The following SLC2A14 variants were observed in gnomAD, a reference collection of about 807,000 sequenced individuals.
SLC2A14 encodes the protein solute carrier family 2 member 14, also known as solute carrier family 2, facilitated glucose transporter member 14.
A neutral mutation model predicts 43.0 loss-of-function variants in SLC2A14; 13 were observed. The ratio of observed to expected loss-of-function variants is 0.30; its 90% CI spans 0.20 to 0.48. SLC2A14 has a LOEUF of 0.48. Ranked by LOEUF, SLC2A14 falls within the 20% of genes least tolerant of loss-of-function variation. SLC2A14 has a pLI of 0.99. For synonymous variants in SLC2A14, 190 were observed against 233.8 expected, an observed-to-expected ratio of 0.81 and a Z score of 1.71; for missense variants, 428 against 620.4, an observed-to-expected ratio of 0.69 and a Z score of 3.29.
At chr12:7,879,595 A>G (rs1945530609) in intron 1 of SLC2A14, among the ~76,000 whole-genome samples, 1 of 152,098 alleles carries the variant, frequency 6.6e-6, no homozygotes, top group Non-Finnish European at 1.5e-5. Flanking sequence ...AAGGCAGGAG[A>G]ATCGCTTGAA....
intron 2 of SLC2A14, among the ~76,000 whole-genome samples, chr12:7,852,699 A>G (rs1178629882): frequency 2.6e-5 from 4 of 152,082 alleles, no homozygotes; most frequent in African/African-American, 9.7e-5. Flanking sequence ...ATATCTCCAG[A>G]TATTGCCAAA....
At chr12:7,888,797 CAAAA>C (rs138233883) in intron 1 of SLC2A14, among the ~76,000 whole-genome samples, 5 of 104,356 alleles carry the variant, frequency 4.8e-5, no homozygotes, top group East Asian at 2.7e-4. Context: ...GACTCCGTCT[CAAAA>C]AAAAAAAAAA....
intron 2 of SLC2A14, among the ~76,000 whole-genome samples, chr12:7,849,455 G>A (rs7959746): frequency 0.36 from 54,136 of 151,816 alleles, 10,175 homozygotes; most frequent in Middle Eastern, 0.47. Flanking sequence ...AGTGAGCCAT[G>A]ATCATGCCAC....
intron 2 of SLC2A14, among the ~76,000 whole-genome samples, chr12:7,842,211 G>A (rs1453206561): frequency 2.0e-5 from 3 of 151,986 alleles, no homozygotes; most frequent in Admixed American, 6.6e-5. Flanking sequence ...ATGTCTTTTC[G>A]TGGCTCATTT....
intron 2 of SLC2A14, among the ~76,000 whole-genome samples, chr12:7,848,758 G>T (rs1866679733): frequency 6.6e-6 from 1 of 151,928 alleles, no homozygotes; most frequent in Non-Finnish European, 1.5e-5. Flanking sequence ...GTTTCACCAT[G>T]TTGGCCAGGA....
chr12:7,862,891 T>G (rs946794758), intron 2 of SLC2A14, among the ~76,000 whole-genome samples: 2 of 152,052 alleles, frequency 1.3e-5, no homozygotes, highest in Admixed American at 1.3e-4. Flanking sequence ...AACATTTGTA[T>G]CTGGCTCAGG....
At chr12:7,825,255 G>GA (rs879631149) in intron 7 of SLC2A14, among the ~76,000 whole-genome samples, 2,263 of 142,264 alleles carry the variant, frequency 0.016, 70 homozygotes, top group Middle Eastern at 0.038. Flanking sequence ...GAAGCCAGGA[G>GA]TTCAAGACCA....
chr12:7,821,254 C>T lies in SLC2A14; in HGVS notation c.936G>A (p.Ala312=), dbSNP rs745710037. 3.8e-5 allele frequency: 61 copies of T among 1,613,870 alleles called. No homozygotes were observed. The highest frequency in any genetic ancestry group is 4.7e-5 in the Non-Finnish European group (56 of 1,179,944). The change falls in exon 8 of 11, where the codon GCG becomes GCA. Residue 312 remains alanine, a synonymous_variant. Transcript: ENST00000431042. Reference sequence around the variant, plus strand: ...AAGTGAAGATAGTATTAACCACACCCGCGCTGATGGTGGCATAGATGGGCT... The same window carrying T: ...AAGTGAAGATAGTATTAACCACACCTGCGCTGATGGTGGCATAGATGGGCT... The part of the protein sequence containing the change: ...VQQPIYATIS[A]GVVNTIFTLL...
intron 7 of SLC2A14, among the ~76,000 whole-genome samples, chr12:7,826,012 C>T (rs1592163970): frequency 2.0e-5 from 3 of 151,488 alleles, no homozygotes; most frequent in East Asian, 3.9e-4. Flanking sequence ...AAGGTACATT[C>T]TTTAAAGAGG....
At chr12:7,829,524 C>T (rs1001410303) in intron 5 of SLC2A14, among the ~76,000 whole-genome samples, 2 of 150,648 alleles carry the variant, frequency 1.3e-5, no homozygotes, top group African/African-American at 4.9e-5. Context: ...CACTGCACTC[C>T]AGCCTGGGTG....
chr12:7,865,947 T>A (rs1309894787), intron 2 of SLC2A14, among the ~76,000 whole-genome samples: 2 of 152,130 alleles, frequency 1.3e-5, no homozygotes, highest in African/African-American at 2.4e-5. Flanking sequence ...CCGGGCATGG[T>A]AGCTCACGCC....
rs946903875 is a variant in SLC2A14, at chr12:7,848,686, G to T, written c.19-15872C>A. 1.6e-4 allele frequency among the ~76,000 whole-genome samples: 25 copies of T among 151,868 alleles called. No individual in the cohort carries two copies. The South Asian group carries it at 2.1e-3, about 13-fold the overall frequency. The stretch of plus-strand genomic sequence containing the variant: ...TTCTCCTGCCTCAGCCTCCCGAGTA[G>T]CTGGGATTACAGGTGCCCGCCACCA... On this transcript the variant is annotated intron_variant, in intron 2 of 10. Transcript: ENST00000431042.
At chr12:7,841,780 G>A (rs1348735638) in intron 2 of SLC2A14, among the ~76,000 whole-genome samples, 1 of 151,926 alleles carries the variant, frequency 6.6e-6, no homozygotes, top group Non-Finnish European at 1.5e-5. Context: ...GGCCAAGGTG[G>A]GCAGATCACG....
At chr12:7,836,187 T>C (rs917583457) in intron 2 of SLC2A14, among the ~76,000 whole-genome samples, 2 of 151,828 alleles carry the variant, frequency 1.3e-5, no homozygotes, top group Non-Finnish European at 1.5e-5. Flanking sequence ...TGGCCAGTAC[T>C]GTCCAATACA....
At chr12:7,875,078 TTAA>T (rs1208292060), upstream of SLC2A14, among the ~76,000 whole-genome samples, 2 of 125,534 alleles carry the variant, frequency 1.6e-5, no homozygotes, top group East Asian at 4.2e-4. Context: ...AATATTATAT[TTAA>T]TATTCTATTT....
At chr12:7,860,966 A>AT (rs1168906839) in intron 2 of SLC2A14, among the ~76,000 whole-genome samples, 1 of 151,870 alleles carries the variant, frequency 6.6e-6, no homozygotes, top group Non-Finnish European at 1.5e-5. Flanking sequence ...CTAATTTTTT[A>AT]TTTTTAGTAG....
intron 2 of SLC2A14, among the ~76,000 whole-genome samples, chr12:7,868,482 C>A (rs902299480): frequency 6.6e-6 from 1 of 152,124 alleles, no homozygotes; most frequent in South Asian, 2.1e-4. Flanking sequence ...TCCTCCCCGT[C>A]CATTCCACCA....
chr12:7,821,865 C>T (rs1863942061), intron 7 of SLC2A14, among the ~76,000 whole-genome samples: 2 of 130,042 alleles, frequency 1.5e-5, no homozygotes, highest in African/African-American at 3.0e-5. Context: ...CTCTCTGTTG[C>T]CCAGGCTGGA....
chr12:7,887,782 C>T (rs965477227), intron 1 of SLC2A14, among the ~76,000 whole-genome samples: 1 of 152,174 alleles, frequency 6.6e-6, no homozygotes, highest in Non-Finnish European at 1.5e-5. Context: ...AGTCTCCCAA[C>T]TGTCATCTCT....
Sources: allele counts gnomAD v4.1 joint callset (sites outside exome capture counted in the v4.1 genomes callset), GRCh38; gene constraint gnomAD v4.1.1; transcripts MANE v1.5; gene names NCBI Gene and HGNC (gene_info 2026-07-23, HGNC 2026-07-21).